STAU2: variants seen among roughly 807,000 people sequenced by gnomAD.
STAU2 encodes staufen double-stranded RNA binding protein 2, also known as double-stranded RNA-binding protein Staufen homolog 2.
In STAU2, 20 loss-of-function variants were observed where a neutral mutation model predicts 65.9. That is an observed-to-expected ratio of 0.30 (90% confidence interval 0.21 to 0.44). The LOEUF (loss-of-function observed/expected upper bound fraction) is 0.44. STAU2 is among the 20% of genes least tolerant of loss of function. STAU2 has a pLI of 1.00. For synonymous variants in STAU2, 232 were observed against 233.9 expected (o/e 0.99, Z 0.07); for missense variants, 558 against 683.9 (o/e 0.82, Z 2.05).
At position 73,636,826 on chromosome 8, in the gene STAU2, G is replaced by A. The variant is rs553600696; in HGVS notation, c.411-19375C>T. Among the ~76,000 whole-genome samples the A allele has an allele frequency of 1.5e-4, 22 of 149,394 alleles. No homozygotes were observed. In the South Asian group the frequency reaches 2.5e-3, roughly 17 times the overall value. On this transcript the variant is annotated intron_variant, in intron 6 of 14. Transcript: ENST00000524300. ...TACAGTGAGCCAAGATCACACCACCGCACTCCAGCCTGGGTGACAGAGGAG... is the reference window on the plus strand; with the variant it reads ...TACAGTGAGCCAAGATCACACCACCACACTCCAGCCTGGGTGACAGAGGAG...
At chr8:73,661,613 T>C (rs1349090215) in intron 6 of STAU2, among the ~76,000 whole-genome samples, 1 of 152,146 alleles carries the variant, frequency 6.6e-6, no homozygotes, top group African/African-American at 2.4e-5. Flanking sequence ...GCCCCAAATC[T>C]AGACAATCAA....
At chr8:73,561,505 T>A (rs1808227922) in intron 12 of STAU2, 1 of 454,480 alleles carries the variant, frequency 2.2e-6, no homozygotes, top group Non-Finnish European at 4.4e-6. Context: ...TTGGTTATGA[T>A]TCTTCTCAGA....
chr8:73,466,104 T>C (rs1819638305), intron 13 of STAU2, among the ~76,000 whole-genome samples: 1 of 152,242 alleles, frequency 6.6e-6, no homozygotes, highest in African/African-American at 2.4e-5. Context: ...GACTAATTCA[T>C]CGAACACAAG....
At chr8:73,649,872 TA>T (rs201247747) in intron 6 of STAU2, among the ~76,000 whole-genome samples, 1,994 of 72,728 alleles carry the variant, frequency 0.027, 97 homozygotes, top group East Asian at 0.057. Context: ...TATAATTTTA[TA>T]TATATATATA....
At chr8:73,618,024 G>A (rs1053343346) in intron 6 of STAU2, among the ~76,000 whole-genome samples, 5 of 152,060 alleles carry the variant, frequency 3.3e-5, no homozygotes, top group African/African-American at 1.2e-4. Context: ...CTAAAAAGCT[G>A]CAATAATGCA....
intron 9 of STAU2, among the ~76,000 whole-genome samples, chr8:73,607,055 T>C (rs1812074271): frequency 6.6e-6 from 1 of 152,154 alleles, no homozygotes; most frequent in Non-Finnish European, 1.5e-5. Flanking sequence ...GATGGGTTCA[T>C]TATCTTGATG....
At chr8:73,571,657 T>C (rs1217744674) in intron 12 of STAU2, among the ~76,000 whole-genome samples, 8 of 152,228 alleles carry the variant, frequency 5.3e-5, no homozygotes, top group Middle Eastern at 3.4e-3. Context: ...ACTGGGTACA[T>C]AACGAAATGA....
intron 13 of STAU2, among the ~76,000 whole-genome samples, chr8:73,425,994 T>C (rs1366363527): frequency 1.3e-5 from 2 of 152,170 alleles, no homozygotes; most frequent in East Asian, 3.9e-4. Context: ...GGTTGCACCA[T>C]GTTGGCCAGG....
chr8:73,687,459 A>ATAAATATATAATATG (rs1819007328), intron 5 of STAU2, among the ~76,000 whole-genome samples: 1 of 133,544 alleles, frequency 7.5e-6, no homozygotes, highest in Non-Finnish European at 1.6e-5. Flanking sequence ...TATATAATAT[A>ATAAATATATAATATG]TAAAATAAAA....
intron 4 of STAU2, among the ~76,000 whole-genome samples, chr8:73,693,336 G>C (rs974428936): frequency 6.6e-6 from 1 of 151,896 alleles, no homozygotes; most frequent in Non-Finnish European, 1.5e-5. Context: ...TTAGCCGGGC[G>C]TGGTAGCAGG....
intron 4 of STAU2, among the ~76,000 whole-genome samples, chr8:73,696,903 TA>T (rs1819724859): frequency 6.6e-6 from 1 of 152,102 alleles, no homozygotes; most frequent in South Asian, 2.1e-4. Flanking sequence ...CAAGCAGATT[TA>T]ACCCAATGAT....
At chr8:73,683,638 G>A (rs567827069) in intron 5 of STAU2, among the ~76,000 whole-genome samples, 1 of 152,164 alleles carries the variant, frequency 6.6e-6, no homozygotes, top group African/African-American at 2.4e-5. Flanking sequence ...GAAATAAAGG[G>A]CATCCAAATC....
chr8:73,435,716 C>T (rs1448198403), intron 13 of STAU2, among the ~76,000 whole-genome samples: 1 of 152,008 alleles, frequency 6.6e-6, no homozygotes, highest in Admixed American at 6.5e-5. Context: ...CATCTGAGAT[C>T]TCAATCTTCT....
chr8:73,472,395 A>G (rs1425940977), intron 13 of STAU2, among the ~76,000 whole-genome samples: 4 of 152,202 alleles, frequency 2.6e-5, no homozygotes, highest in Non-Finnish European at 5.9e-5. Flanking sequence ...GGCCCCACAT[A>G]CACCAGGCCA....
At chr8:73,698,007 G>A (rs1027459682) in intron 4 of STAU2, among the ~76,000 whole-genome samples, 15 of 152,040 alleles carry the variant, frequency 9.9e-5, no homozygotes, top group Admixed American at 3.9e-4. Flanking sequence ...TTGAACCTGG[G>A]AGGCAGAGAT....
chr8:73,526,284 T>C (rs544602499), intron 13 of STAU2, among the ~76,000 whole-genome samples: 3 of 152,212 alleles, frequency 2.0e-5, no homozygotes, highest in Non-Finnish European at 2.9e-5. Context: ...ACCTATACTA[T>C]GGTCCATTCC....
chr8:73,738,730 GT>G (rs1252902614), intron 2 of STAU2, among the ~76,000 whole-genome samples: 1 of 152,058 alleles, frequency 6.6e-6, no homozygotes, highest in Non-Finnish European at 1.5e-5. Flanking sequence ...AAATCTGAGA[GT>G]TTCAGGTTAA....
chr8:73,734,399 A>T lies in STAU2; in HGVS notation c.-18+3885T>A, dbSNP rs1806284414. Among the ~76,000 whole-genome samples, 3 of 152,310 alleles carry T rather than the reference A, an allele frequency of 2.0e-5. No homozygotes were observed. In the South Asian group the frequency reaches 6.2e-4, roughly 32 times the overall value. Reference sequence around the variant, plus strand: ...GAACATGGAACATCCATGTTCTATGATAATAATAAAGTTAGGCAAAGTTAA... The same window carrying T: ...GAACATGGAACATCCATGTTCTATGTTAATAATAAAGTTAGGCAAAGTTAA... On this transcript the variant is annotated intron_variant, in intron 3 of 14. Transcript: ENST00000524300.
chr8:73,683,480 T>C (rs115220906), intron 5 of STAU2, among the ~76,000 whole-genome samples: 2,883 of 152,242 alleles, frequency 0.019, 89 homozygotes, highest in African/African-American at 0.066. Context: ...AAAGCATCTA[T>C]AACAAACCCA....
Sources: allele counts gnomAD v4.1 joint callset (sites outside exome capture counted in the v4.1 genomes callset), GRCh38; gene constraint gnomAD v4.1.1; transcripts MANE v1.5; gene names NCBI Gene and HGNC (gene_info 2026-07-23, HGNC 2026-07-21).